Variants in PPP2R2C observed in about 807,000 individuals in gnomAD.
The protein encoded by PPP2R2C is protein phosphatase 2 regulatory subunit Bgamma, also known as protein phosphatase 2, regulatory subunit B, gamma.
A neutral mutation model predicts 45.3 loss-of-function variants in PPP2R2C; 10 were observed. The observed-to-expected ratio is 0.22, with a 90% CI of 0.14 to 0.37. The LOEUF is 0.37. PPP2R2C is among the 10% of genes least tolerant of loss of function. PPP2R2C has a pLI of 1.00. For synonymous variants in PPP2R2C, 257 were observed against 245.4 expected (o/e 1.05, Z -0.44); for missense variants, 308 against 619.7 (o/e 0.50, Z 5.34).
At chr4:6,554,165 ATGTCAT>A (rs1218447194) in intron 1 of PPP2R2C, among the ~76,000 whole-genome samples, 5 of 152,202 alleles carry the variant, frequency 3.3e-5, no homozygotes, top group Non-Finnish European at 7.3e-5. Context: ...GTCACTGCAG[ATGTCAT>A]TAGTTAAAAT....
chr4:6,517,836 C>T (rs1054020230), intron 2 of PPP2R2C, among the ~76,000 whole-genome samples: 5 of 152,210 alleles, frequency 3.3e-5, no homozygotes, highest in Admixed American at 6.5e-5. Flanking sequence ...TACCTACAAA[C>T]TCTCCAGGTC....
Position 6,378,876 on chromosome 4 carries a change from C to T in PPP2R2C, c.169-304G>A, listed in dbSNP as rs959236284. On this transcript the variant is annotated intron_variant, in intron 2 of 8. Coordinates refer to ENST00000382599, the MANE Select transcript of PPP2R2C (RefSeq NM_020416.4). This position sits in a 1 kb window ranked among gnomAD's most constrained non-coding sequence, Gnocchi z 5.2. ...CCCCACTAAGTCCTCCCCGCACCAT[C>T]GCATTCTACCCTCCAGGCCTCCTCT... Among the ~76,000 whole-genome samples the T allele has an allele frequency of 4.6e-5, 7 of 151,800 alleles. No homozygotes were observed. The highest frequency in any genetic ancestry group is 8.8e-5 in the Non-Finnish European group (6 of 67,984).
At chr4:6,560,144 G>A (rs1289115583) in intron 1 of PPP2R2C, among the ~76,000 whole-genome samples, 1 of 152,206 alleles carries the variant, frequency 6.6e-6, no homozygotes, top group Non-Finnish European at 1.5e-5. Context: ...GGCAGGGGCA[G>A]GGGTGCCCCA....
chr4:6,326,416 C>T (rs903227725), intron 8 of PPP2R2C, among the ~76,000 whole-genome samples: 6 of 152,142 alleles, frequency 3.9e-5, no homozygotes, highest in Admixed American at 2.6e-4. Context: ...CGAGCACGCT[C>T]GGCTGGCACA....
chr4:6,562,823 G>T (rs1725621939), intron 1 of PPP2R2C, among the ~76,000 whole-genome samples: 1 of 152,138 alleles, frequency 6.6e-6, no homozygotes, highest in Non-Finnish European at 1.5e-5. Context: ...TCGGGCCACA[G>T]AGTGTGTGGT....
At chr4:6,432,347 C>T (rs545511878) in intron 1 of PPP2R2C, among the ~76,000 whole-genome samples, 86 of 152,330 alleles carry the variant, frequency 5.6e-4, no homozygotes, top group South Asian at 3.9e-3. Flanking sequence ...GAAGGCCCCT[C>T]GACTGATTCA....
intron 1 of PPP2R2C, among the ~76,000 whole-genome samples, chr4:6,427,995 C>T (rs953977551): frequency 3.9e-5 from 6 of 152,220 alleles, no homozygotes; most frequent in African/African-American, 1.4e-4. Context: ...ACGAGCTAGA[C>T]AGCAGAACAG....
chr4:6,498,386 G>A (rs942657459), intron 2 of PPP2R2C, among the ~76,000 whole-genome samples: 3 of 152,184 alleles, frequency 2.0e-5, no homozygotes, highest in African/African-American at 7.2e-5. Context: ...AGAATAGTAG[G>A]CTCAATGCTA....
At chr4:6,507,360 T>G (rs1723272150) in intron 2 of PPP2R2C, among the ~76,000 whole-genome samples, 1 of 152,220 alleles carries the variant, frequency 6.6e-6, no homozygotes, top group Admixed American at 6.5e-5. Flanking sequence ...GCAAATGTAC[T>G]GATGCTGCAG....
chr4:6,441,204 A>G (rs6813956), intron 1 of PPP2R2C, among the ~76,000 whole-genome samples: 82,954 of 151,862 alleles, frequency 0.55, 24,075 homozygotes, highest in Non-Finnish European at 0.67. Flanking sequence ...AAAGCACCTC[A>G]GGGCCCTCAT....
At chr4:6,456,239 G>T (rs965344084) in intron 1 of PPP2R2C, among the ~76,000 whole-genome samples, 228 of 152,268 alleles carry the variant, frequency 1.5e-3, no homozygotes, top group African/African-American at 5.3e-3. Context: ...ATCTGCAGGG[G>T]GTAGTTAGAA....
intron 1 of PPP2R2C, among the ~76,000 whole-genome samples, chr4:6,448,496 C>G (rs1720553433): frequency 6.6e-6 from 1 of 152,036 alleles, no homozygotes; most frequent in African/African-American, 2.4e-5. Context: ...CCCAGGCAGA[C>G]CCTCGAGGTC....
chr4:6,521,099 A>C (rs1724003178), intron 2 of PPP2R2C, among the ~76,000 whole-genome samples: 1 of 152,222 alleles, frequency 6.6e-6, no homozygotes, highest in Non-Finnish European at 1.5e-5. Flanking sequence ...CTAAGTAACC[A>C]GCCTGAGGCC....
intron 1 of PPP2R2C, among the ~76,000 whole-genome samples, chr4:6,397,940 G>A (rs1241443125): frequency 6.6e-6 from 1 of 152,190 alleles, no homozygotes; most frequent in African/African-American, 2.4e-5. Context: ...CCTGGTAAAA[G>A]GACAGACATG....
At chr4:6,463,224 T>C (rs781464450) in intron 1 of PPP2R2C, among the ~76,000 whole-genome samples, 17 of 152,258 alleles carry the variant, frequency 1.1e-4, no homozygotes, top group Non-Finnish European at 2.2e-4. Flanking sequence ...GCTCTCTCTC[T>C]GCTTCATAGA....
chr4:6,438,076 T>C (rs143209258), intron 1 of PPP2R2C, among the ~76,000 whole-genome samples: 316 of 152,340 alleles, frequency 2.1e-3, no homozygotes, highest in African/African-American at 7.3e-3. Context: ...TAAAACCTTC[T>C]CCTTCATGTC....
intron 1 of PPP2R2C, among the ~76,000 whole-genome samples, chr4:6,448,822 G>A (rs1577191047): frequency 2.0e-5 from 3 of 152,190 alleles, no homozygotes; most frequent in Admixed American, 2.0e-4. Context: ...ACCCCAAGGG[G>A]ACGTGCTGCA....
At chr4:6,340,515 A>G (rs537180510) in intron 6 of PPP2R2C, among the ~76,000 whole-genome samples, 1 of 152,230 alleles carries the variant, frequency 6.6e-6, no homozygotes, top group African/African-American at 2.4e-5. Flanking sequence ...CAGAGCCTGA[A>G]GCCATCCCCG....
chr4:6,500,665 G>A (rs1008972622), intron 2 of PPP2R2C, among the ~76,000 whole-genome samples: 3 of 152,220 alleles, frequency 2.0e-5, no homozygotes, highest in African/African-American at 7.2e-5. Flanking sequence ...AAGGAAAGAG[G>A]GGGGTTCATT....
Sources: allele counts gnomAD v4.1 joint callset (sites outside exome capture counted in the v4.1 genomes callset), GRCh38; gene constraint gnomAD v4.1.1; non-coding constraint Gnocchi (gnomAD v3.1); transcripts MANE v1.5; gene names NCBI Gene and HGNC (gene_info 2026-07-23, HGNC 2026-07-21).